The following TPRG1 variants were observed in gnomAD, a reference collection of about 807,000 sequenced individuals.
The protein encoded by TPRG1 is tumor protein p63-regulated gene 1 protein.
In TPRG1, 29 loss-of-function variants were observed where a neutral mutation model predicts 29.3. That is an observed-to-expected ratio of 0.99 (90% CI 0.74 to 1.35). The LOEUF is 1.35. Among genes scored for constraint, TPRG1 ranks in the 40% most tolerant of loss-of-function variants. TPRG1 has a pLI of 0.00. For missense variants in TPRG1, 327 were observed against 335.0 expected (o/e 0.98, Z 0.19); for synonymous variants, 130 against 116.8 (o/e 1.11, Z -0.73).
chr3:189,127,486 G>T (rs1722619477), intron 2 of TPRG1, among the ~76,000 whole-genome samples: 1 of 152,174 alleles, frequency 6.6e-6, no homozygotes, highest in African/African-American at 2.4e-5. Flanking sequence ...CCAAGTTAGT[G>T]GTCAATGGGC....
intron 4 of TPRG1, among the ~76,000 whole-genome samples, chr3:189,291,123 G>A (rs537336010): frequency 6.6e-5 from 10 of 151,912 alleles, no homozygotes; most frequent in Admixed American, 2.0e-4. Flanking sequence ...GGATGGTCTC[G>A]ATCTCCTGAC....
intron 3 of TPRG1, among the ~76,000 whole-genome samples, chr3:189,012,265 G>A (rs1363468429): frequency 6.6e-6 from 1 of 152,084 alleles, no homozygotes; most frequent in African/African-American, 2.4e-5. Context: ...TATTGGTTGT[G>A]GGTTTGTCAT....
intron 3 of TPRG1, among the ~76,000 whole-genome samples, chr3:189,140,618 G>A (rs3846199): frequency 0.27 from 41,668 of 151,956 alleles, 6,885 homozygotes; most frequent in South Asian, 0.45. Context: ...AAGGCAGCCC[G>A]TTCTTTTCCG....
At chr3:189,095,763 G>A (rs1718633220), upstream of TPRG1, among the ~76,000 whole-genome samples, 2 of 152,210 alleles carry the variant, frequency 1.3e-5, no homozygotes, top group African/African-American at 4.8e-5. Flanking sequence ...TGGGCATTCA[G>A]AAGTACATTG....
chr3:189,094,327 A>G (rs1438189693), intron 4 of TPRG1, among the ~76,000 whole-genome samples: 2 of 152,144 alleles, frequency 1.3e-5, no homozygotes, highest in Non-Finnish European at 2.9e-5. Flanking sequence ...AAATGAAGAG[A>G]TGTTCTCCAG....
intron 4 of TPRG1, among the ~76,000 whole-genome samples, chr3:189,298,983 G>A (rs555597260): frequency 9.9e-5 from 15 of 152,200 alleles, no homozygotes; most frequent in East Asian, 1.9e-4. Context: ...CTAACTGCCC[G>A]TGTATGTATT....
At chr3:189,099,566 G>A (rs929434574), upstream of TPRG1, among the ~76,000 whole-genome samples, 3 of 152,064 alleles carry the variant, frequency 2.0e-5, no homozygotes, top group Admixed American at 6.5e-5. Context: ...AAGTTTCTGC[G>A]GTGTTTTAGT....
At chr3:189,237,276 TACACACACATGCACACACACGCAC>T (rs1232252462) in intron 3 of TPRG1, among the ~76,000 whole-genome samples, 27 of 151,960 alleles carry the variant, frequency 1.8e-4, no homozygotes, top group African/African-American at 6.5e-4. Context: ...GGAACACACA[TACACACACATGCACACACACGCAC>T]ACACACACAC....
chr3:189,317,686 A>G (rs1025215982), intron 5 of TPRG1, among the ~76,000 whole-genome samples: 1 of 152,134 alleles, frequency 6.6e-6, no homozygotes, highest in Non-Finnish European at 1.5e-5. Context: ...TTCTCAAGAG[A>G]GGGTGATTTT....
At chr3:189,015,835 A>G (rs1480748489) in intron 3 of TPRG1, among the ~76,000 whole-genome samples, 1 of 152,190 alleles carries the variant, frequency 6.6e-6, no homozygotes, top group African/African-American at 2.4e-5. Context: ...TAGATTTCAG[A>G]GGATTTATGG....
At chr3:189,297,690 C>G (rs1268935327) in intron 4 of TPRG1, among the ~76,000 whole-genome samples, 1 of 152,184 alleles carries the variant, frequency 6.6e-6, no homozygotes, top group African/African-American at 2.4e-5. Flanking sequence ...AAACCTAAAA[C>G]TTTTTACCTG....
chr3:189,257,718 TTCTCTAA>T (rs1712165127), intron 4 of TPRG1, among the ~76,000 whole-genome samples: 1 of 152,206 alleles, frequency 6.6e-6, no homozygotes, highest in Non-Finnish European at 1.5e-5. Flanking sequence ...TCATCCTTTT[TTCTCTAA>T]TCTTGTCTTT....
chr3:189,188,880 C>G (rs1471376384), intron 1 of TPRG1, among the ~76,000 whole-genome samples: 1 of 152,200 alleles, frequency 6.6e-6, no homozygotes, highest in Non-Finnish European at 1.5e-5. Flanking sequence ...ACCCAGTTAT[C>G]TGCGTACAGA....
intron 4 of TPRG1, among the ~76,000 whole-genome samples, chr3:189,239,431 G>A (rs1360676223): frequency 1.3e-5 from 2 of 152,130 alleles, no homozygotes; most frequent in Non-Finnish European, 2.9e-5. Flanking sequence ...TATTTTGGTG[G>A]GGACACAGCC....
intron 4 of TPRG1, among the ~76,000 whole-genome samples, chr3:189,290,113 G>A (rs1272052433): frequency 6.6e-6 from 1 of 152,140 alleles, no homozygotes; most frequent in African/African-American, 2.4e-5. Context: ...GTGTTCTACT[G>A]GCAAAATATG....
chr3:189,210,327 C>T (rs1441344256), intron 2 of TPRG1, among the ~76,000 whole-genome samples: 1 of 152,154 alleles, frequency 6.6e-6, no homozygotes, highest in African/African-American at 2.4e-5. Context: ...CTTGACTTTA[C>T]ATCCATTTTT....
intron 3 of TPRG1, among the ~76,000 whole-genome samples, chr3:189,008,845 AT>A (rs1356905939): frequency 6.6e-6 from 1 of 152,154 alleles, no homozygotes; most frequent in Non-Finnish European, 1.5e-5. Context: ...ACAGAACACA[AT>A]AAAATATTGT....
At chr3:189,119,062 G>T (rs370864443) in intron 1 of TPRG1, among the ~76,000 whole-genome samples, 2 of 152,368 alleles carry the variant, frequency 1.3e-5, no homozygotes, top group East Asian at 3.9e-4. Flanking sequence ...CAGCTGTTAG[G>T]GGGGTTGAGC....
At chr3:189,081,359 G>A (rs1717582015) in intron 4 of TPRG1, among the ~76,000 whole-genome samples, 1 of 152,156 alleles carries the variant, frequency 6.6e-6, no homozygotes, top group Admixed American at 6.5e-5. Context: ...ACAAGTGAAA[G>A]GGACCGAGGA....
Sources: gnomAD v4.1 joint callset for allele counts (sites outside exome capture counted in the v4.1 genomes callset) on GRCh38, gnomAD v4.1.1 for gene constraint, MANE v1.5 for transcripts, NCBI Gene and HGNC (gene_info 2026-07-23, HGNC 2026-07-21) for gene names.